Variants in ZBBX observed in about 807,000 individuals in gnomAD.
ZBBX encodes zinc finger B-box domain-containing protein 1.
A neutral mutation model predicts 108.5 loss-of-function variants in ZBBX; 101 were observed. That is an observed-to-expected ratio of 0.93 (90% CI 0.79 to 1.10). The LOEUF (loss-of-function observed/expected upper bound fraction) is 1.10, where lower values mean the gene tolerates loss of function less well. Among genes scored for constraint, ZBBX ranks in the 50% least tolerant of loss-of-function variants. The pLI, the probability that ZBBX is intolerant of heterozygous loss-of-function variation, is 0.00. For synonymous variants in ZBBX, 356 were observed against 323.4 expected, an observed-to-expected ratio of 1.10 and a Z score of -1.08; for missense variants, 1,009 against 941.4, an observed-to-expected ratio of 1.07 and a Z score of -0.94.
At chr3:167,377,604 T>C (rs1261061585) in intron 2 of ZBBX, among the ~76,000 whole-genome samples, 2 of 152,092 alleles carry the variant, frequency 1.3e-5, no homozygotes, top group African/African-American at 2.4e-5. Flanking sequence ...GAATTTAAAA[T>C]AGTTGCTTTT....
intron 8 of ZBBX, among the ~76,000 whole-genome samples, chr3:167,351,087 G>GA (rs201659377): frequency 1.1e-3 from 152 of 144,052 alleles, no homozygotes; most frequent in Middle Eastern, 3.6e-3. Context: ...ATCTCTAAAG[G>GA]AAAAAAAAAA....
intron 2 of ZBBX, among the ~76,000 whole-genome samples, chr3:167,377,495 T>C (rs1217755905): frequency 6.6e-6 from 1 of 152,176 alleles, no homozygotes; most frequent in Non-Finnish European, 1.5e-5. Flanking sequence ...TATTTTGAAA[T>C]GGTCTAATTA....
At chr3:167,319,699 A>G (rs1012574955) in intron 12 of ZBBX, among the ~76,000 whole-genome samples, 8 of 152,030 alleles carry the variant, frequency 5.3e-5, no homozygotes, top group African/African-American at 1.9e-4. Flanking sequence ...TTTCAGTGAT[A>G]TTATTAACAG....
chr3:167,293,080 T>C (rs1382967793), intron 18 of ZBBX, among the ~76,000 whole-genome samples: 1 of 152,000 alleles, frequency 6.6e-6, no homozygotes. Context: ...CCAAAAAAAG[T>C]CCAGGACCAG....
intron 19 of ZBBX, among the ~76,000 whole-genome samples, chr3:167,285,990 T>C (rs969806701): frequency 1.3e-5 from 2 of 152,058 alleles, no homozygotes; most frequent in Non-Finnish European, 2.9e-5. Flanking sequence ...TGTTAAATAG[T>C]GATAGCTTTT....
intron 20 of ZBBX, among the ~76,000 whole-genome samples, chr3:167,275,187 C>T (rs1027369766): frequency 1.3e-5 from 2 of 152,094 alleles, no homozygotes; most frequent in Admixed American, 1.3e-4. Flanking sequence ...CATGTTCCTT[C>T]AATCTGTTCA....
the ZBBX span, among the ~76,000 whole-genome samples, chr3:167,202,765 A>G: frequency 6.6e-6 from 1 of 152,096 alleles, no homozygotes; most frequent in African/African-American, 2.4e-5. Flanking sequence ...GAAAAGGTAA[A>G]ACCTGTTTTA....
the ZBBX span, among the ~76,000 whole-genome samples, chr3:167,195,001 G>T: frequency 6.6e-6 from 1 of 152,132 alleles, no homozygotes; most frequent in Admixed American, 6.5e-5. Context: ...TTCAGGCCAC[G>T]AGAAACGTCA....
rs996265400 is a variant in ZBBX, at chr3:167,322,216, A to G, written c.884T>C (p.Val295Ala). 3 of 1,477,448 alleles carry G rather than the reference A, an allele frequency of 2.0e-6. No individual in the cohort carries two copies. The highest frequency in any genetic ancestry group is 2.9e-5 in the African/African-American group (2 of 69,568). The allele number at this position is 1,477,448 out of a possible 1,614,324, so 91.5% of individuals were successfully genotyped here. Residue 295 changes from valine (V) to alanine (A), a missense_variant, in exon 12 of 22, where the codon GTA becomes GCA. Physicochemically the swap from Val to Ala is moderately conservative, Grantham distance 64. Coordinates refer to ENST00000675490, the MANE Select transcript of ZBBX (RefSeq NM_001199201.2). ...TCTCCAAATTTTCAGATTAGTCTGT[A>G]CTTCGCATTCTTCCAATGAGTCTGT... is the stretch of plus-strand genomic sequence containing the variant. ...AVKDSLEECE[V>A]QTNLKIWREP...
At chr3:167,204,376 T>A in the ZBBX span, among the ~76,000 whole-genome samples, 1 of 148,332 alleles carries the variant, frequency 6.7e-6, no homozygotes, top group African/African-American at 2.5e-5. Flanking sequence ...TATGTCCCAA[T>A]GCTATCCCTC....
the ZBBX span, among the ~76,000 whole-genome samples, chr3:167,181,614 T>C: frequency 6.6e-5 from 10 of 152,190 alleles, no homozygotes; most frequent in African/African-American, 2.2e-4. Context: ...CTTTGCCTTA[T>C]TTGTGCTTCC....
the ZBBX span, among the ~76,000 whole-genome samples, chr3:167,228,818 T>C: frequency 6.6e-6 from 1 of 151,776 alleles, no homozygotes; most frequent in African/African-American, 2.4e-5. Flanking sequence ...CTCATGATTG[T>C]TTTTCCAGGA....
At chr3:167,189,465 T>G in the ZBBX span, among the ~76,000 whole-genome samples, 1 of 152,040 alleles carries the variant, frequency 6.6e-6, no homozygotes, top group Non-Finnish European at 1.5e-5. Context: ...CTTAAGTGAA[T>G]GCTAGACATG....
intron 9 of ZBBX, among the ~76,000 whole-genome samples, chr3:167,334,247 T>C (rs1739171054): frequency 6.6e-6 from 1 of 151,718 alleles, no homozygotes. Flanking sequence ...TTCTAAAACA[T>C]AAATATTTTT....
chr3:167,291,625 C>T (rs1730706344), intron 18 of ZBBX, among the ~76,000 whole-genome samples: 1 of 152,096 alleles, frequency 6.6e-6, no homozygotes, highest in Admixed American at 6.6e-5. Context: ...AGACCATTGA[C>T]ACTATGAAGA....
the ZBBX span, among the ~76,000 whole-genome samples, chr3:167,226,289 T>G: frequency 6.6e-6 from 1 of 151,812 alleles, no homozygotes; most frequent in Admixed American, 6.6e-5. Context: ...TTTATAGGTC[T>G]TTTGTAACCC....
At chr3:167,387,130 A>T (rs1747944866) in intron 1 of ZBBX, among the ~76,000 whole-genome samples, 1 of 152,002 alleles carries the variant, frequency 6.6e-6, no homozygotes, top group African/African-American at 2.4e-5. Flanking sequence ...AATTCAGAAA[A>T]TTACAATGCA....
chr3:167,199,403 T>A, the ZBBX span, among the ~76,000 whole-genome samples: 1 of 152,168 alleles, frequency 6.6e-6, no homozygotes, highest in Non-Finnish European at 1.5e-5. Context: ...TCAAGCCATA[T>A]GGGAATTGTG....
intron 15 of ZBBX, 132 bp downstream of exon 15, chr3:167,315,618 T>C: frequency 1.6e-6 from 1 of 638,710 alleles, no homozygotes; most frequent in East Asian, 2.7e-5. Context: ...ATGGGTTAAG[T>C]AAAATATACT....
Sources: allele counts gnomAD v4.1 joint callset (sites outside exome capture counted in the v4.1 genomes callset), GRCh38; gene constraint gnomAD v4.1.1; transcripts MANE v1.5; gene names NCBI Gene and HGNC (gene_info 2026-07-23, HGNC 2026-07-21).